SEMA4F: variants seen among roughly 807,000 people sequenced by gnomAD.
SEMA4F encodes ssemaphorin 4F, also known as semaphorin-4F.
Under a neutral mutation model 78.4 loss-of-function variants are expected in SEMA4F, and 51 were observed. That is an observed-to-expected ratio of 0.65 (90% CI 0.52 to 0.82). SEMA4F has a LOEUF of 0.82. Ranked by LOEUF, SEMA4F falls within the 40% of genes least tolerant of loss-of-function variation. SEMA4F has a pLI of 0.00. For synonymous variants in SEMA4F, 418 were observed against 408.7 expected (o/e 1.02, Z -0.27); for missense variants, 938 against 1,014.4 (o/e 0.92, Z 1.02).
the SEMA4F span, among the ~76,000 whole-genome samples, chr2:74,705,272 T>C: frequency 6.6e-6 from 1 of 152,226 alleles, no homozygotes; most frequent in African/African-American, 2.4e-5. Context: ...ATTTTCACAT[T>C]TTCTTTATCC....
chr2:74,679,624 C>T lies in SEMA4F; in HGVS notation c.1728C>T (p.Pro576=), dbSNP rs185641634. The T allele has an allele frequency of 6.9e-5, 111 of 1,605,310 alleles. No homozygotes were observed. Among genetic ancestry groups the T allele is most frequent in the Non-Finnish European group, 8.9e-5 (104 of 1,174,672 alleles). ...AACGTCCAGTAGTGTTTGAAGTTCC[C>T]GTGGCTACAGCTGCGCATGTGGTCT... The part of the protein sequence containing the change: ...PGERPVVFEV[P]VATAAHVVLP... The change falls in exon 14 of 14, where the codon CCC becomes CCT. Residue 576 remains proline (P), a synonymous_variant. Transcript: ENST00000357877.
Position 74,654,492 on chromosome 2 carries a change from C to G in SEMA4F, c.116C>G (p.Ser39Trp). ...CCGGTATCCGGCCGCGTCCCCCGCTCGGTGCCCAGAACCTCGCTTCCAATC... is the reference window on the plus strand; with the variant it reads ...CCGGTATCCGGCCGCGTCCCCCGCTGGGTGCCCAGAACCTCGCTTCCAATC... Reference protein sequence around the residue: ...SGPVSGRVPRSVPRTSLPISE... With the variant: ...SGPVSGRVPRWVPRTSLPISE... The change falls in exon 1 of 14, where the codon TCG (serine) becomes TGG (tryptophan). Residue 39 changes from serine (S) to tryptophan (W), a missense_variant. Physicochemically the swap from Ser to Trp is radical, Grantham distance 177. Transcript: ENST00000357877. The G allele has an allele frequency of 1.9e-6, 3 of 1,575,060 alleles. No individual in the cohort carries two copies. Among genetic ancestry groups the G allele is most frequent in the Admixed American group, 1.8e-5 (1 of 55,976 alleles).
At chr2:74,698,630 G>T in the SEMA4F span, among the ~76,000 whole-genome samples, 1 of 152,172 alleles carries the variant, frequency 6.6e-6, no homozygotes, top group South Asian at 2.1e-4. Context: ...TTAGCACAAA[G>T]GCCCTACTGC....
At chr2:74,656,426 A>T in intron 1 of SEMA4F, 108 bp from the exon 2 acceptor site, 2 of 1,074,572 alleles carry the variant, frequency 1.9e-6, no homozygotes, top group Non-Finnish European at 2.7e-6. Flanking sequence ...ATGGCTGCTT[A>T]ATAAATGGTA....
chr2:74,674,586 G>A lies in SEMA4F; in HGVS notation c.911G>A (p.Arg304Gln), dbSNP rs199985579. The A allele has an allele frequency of 7.1e-5, 114 of 1,614,068 alleles. No homozygotes were observed. In the East Asian group the frequency reaches 9.4e-4, roughly 13 times the overall value. ...CTCTGTCCAGGGCCTGAGCATGGCC[G>A]GGCCTCCAGTGTCCTGCAGGATGTT... The part of the protein sequence containing the change: ...DLLCPGPEHG[R>Q]ASSVLQDVAV... Residue 304 changes from arginine to glutamine, a missense_variant, in exon 8 of 14, where the codon CGG becomes CAG. Transcript: ENST00000357877.
intron 5 of SEMA4F, among the ~76,000 whole-genome samples, chr2:74,669,922 A>G (rs1211692824): frequency 6.6e-6 from 1 of 152,190 alleles, no homozygotes; most frequent in Non-Finnish European, 1.5e-5. Context: ...AAAGATGCTA[A>G]CTACAAAAAA....
At chr2:74,686,878 A>G (rs2022188), downstream of SEMA4F, among the ~76,000 whole-genome samples, 50,041 of 146,000 alleles carry the variant, frequency 0.34, 14,234 homozygotes, top group East Asian at 0.82. Context: ...GGCCTGTTGG[A>G]GGGTGGGGGG....
At position 74,673,794 on chromosome 2, in the gene SEMA4F, G is replaced by C. The variant is rs747881367; in HGVS notation, c.788G>C (p.Arg263Pro). The change falls in exon 7 of 14, where the codon CGC (arginine) becomes CCC (proline). Residue 263 changes from arginine (R) to proline (P), a missense_variant. By Grantham distance (103) the Arg-to-Pro change is moderately radical. Transcript: ENST00000357877. Reference protein sequence around the residue: ...ETSRAFDSYERIKVPRVARVC... With the variant: ...ETSRAFDSYEPIKVPRVARVC... The stretch of plus-strand genomic sequence containing the variant: ...TCCCGAGCATTTGACTCATACGAGC[G>C]CATTAAAGTCCCACGGGTGGCCCGT... The C allele has an allele frequency of 1.2e-6, 2 of 1,614,092 alleles. No individual in the cohort carries two copies. Among genetic ancestry groups the C allele is most frequent in the Non-Finnish European group, 1.7e-6 (2 of 1,180,006 alleles).
At chr2:74,703,666 C>T in the SEMA4F span, among the ~76,000 whole-genome samples, 1 of 152,230 alleles carries the variant, frequency 6.6e-6, no homozygotes, top group South Asian at 2.1e-4. Flanking sequence ...GTGACCTGGC[C>T]AAATTGGCTG....
the SEMA4F span, among the ~76,000 whole-genome samples, chr2:74,706,809 GT>G: frequency 1.3e-5 from 2 of 148,988 alleles, no homozygotes. Context: ...ATTTCTATTA[GT>G]TTTTATACTC....
downstream of SEMA4F, among the ~76,000 whole-genome samples, chr2:74,684,945 A>G (rs1467507916): frequency 1.3e-5 from 2 of 152,236 alleles, no homozygotes; most frequent in Admixed American, 6.5e-5. Flanking sequence ...GCACTCCAGC[A>G]TGGGTGACAG....
At chr2:74,706,558 C>T in the SEMA4F span, among the ~76,000 whole-genome samples, 5 of 152,174 alleles carry the variant, frequency 3.3e-5, no homozygotes, top group Admixed American at 6.5e-5. Context: ...GAGCTTTTCC[C>T]GAAGGCCAAA....
At chr2:74,685,330 T>C (rs1685798030), downstream of SEMA4F, among the ~76,000 whole-genome samples, 1 of 152,126 alleles carries the variant, frequency 6.6e-6, no homozygotes, top group Non-Finnish European at 1.5e-5. Flanking sequence ...AAGAAGGGCC[T>C]CAGGAACTGA....
downstream of SEMA4F, among the ~76,000 whole-genome samples, chr2:74,684,431 T>C (rs571986700): frequency 3.2e-4 from 49 of 152,222 alleles, no homozygotes; most frequent in Middle Eastern, 6.8e-3. Context: ...TCCTTAGTAG[T>C]CACTCAGGAA....
Position 74,657,895 on chromosome 2 carries a change from G to C in SEMA4F, c.400G>C (p.Ala134Pro). The change falls in exon 4 of 14, where the codon GCC becomes CCC. Residue 134 changes from alanine (A) to proline (P), a missense_variant. Physicochemically the swap from Ala to Pro is conservative, Grantham distance 27. Coordinates refer to ENST00000357877, the MANE Select transcript of SEMA4F (RefSeq NM_004263.5). ...TGTCCAGATTCTCGCCATTGCCAAT[G>C]CCTCTCACCTCCTCACTTGTGGCAC... ...NFVQILAIAN[A>P]SHLLTCGTFA... 6.2e-7 allele frequency: 1 copy of C among 1,614,228 alleles called. No homozygotes were observed. Among genetic ancestry groups the C allele is most frequent in the Non-Finnish European group, 8.5e-7 (1 of 1,180,046 alleles).
chr2:74,654,897 C>G (rs1262937391), intron 1 of SEMA4F, among the ~76,000 whole-genome samples: 1 of 152,212 alleles, frequency 6.6e-6, no homozygotes, highest in Non-Finnish European at 1.5e-5. Context: ...GTTCCGTCTC[C>G]CTTAGTCCCC....
In SEMA4F at chr2:74,654,323, G is replaced by A. The variant is rs563891075; in HGVS notation, c.-54G>A. ...TGGGGCCGAGGCCAGTAGCCCCGGG[G>A]CCCTGAGCAGAGGCCGTAGCTTGCG... On this transcript the variant is annotated 5_prime_UTR_variant, in exon 1 of 14. Transcript: ENST00000357877. The A allele has an allele frequency of 4.4e-5, 62 of 1,408,438 alleles. No individual in the cohort carries two copies. The East Asian group carries it at 9.8e-4, about 22-fold the overall frequency. 87.2% of individuals were successfully genotyped at this position (1,408,438 alleles called of 1,614,324 possible).
intron 5 of SEMA4F, among the ~76,000 whole-genome samples, chr2:74,663,198 T>C (rs970891374): frequency 6.6e-5 from 10 of 152,240 alleles, no homozygotes; most frequent in Non-Finnish European, 1.5e-4. Flanking sequence ...AACAGCACTT[T>C]CCAAAAGAAC....
At chr2:74,709,367 A>G in the SEMA4F span, among the ~76,000 whole-genome samples, 1 of 152,262 alleles carries the variant, frequency 6.6e-6, no homozygotes, top group East Asian at 1.9e-4. Flanking sequence ...ATCCTAATTC[A>G]GTGAAAATGT....
Sources: allele counts gnomAD v4.1 joint callset (sites outside exome capture counted in the v4.1 genomes callset), GRCh38; gene constraint gnomAD v4.1.1; transcripts MANE v1.5; gene names NCBI Gene and HGNC (gene_info 2026-07-23, HGNC 2026-07-21).